The following PAPSS1 variants were observed in gnomAD, a reference collection of about 807,000 sequenced individuals.
PAPSS1 encodes the protein bifunctional 3'-phosphoadenosine 5'-phosphosulfate synthase 1.
Under a neutral mutation model 72.0 loss-of-function variants are expected in PAPSS1, and 50 were observed. The ratio of observed to expected loss-of-function variants is 0.69; its 90% CI spans 0.55 to 0.88. The LOEUF (loss-of-function observed/expected upper bound fraction) is 0.88. Among genes scored for constraint, PAPSS1 ranks in the 40% least tolerant of loss-of-function variants. The probability of loss-of-function intolerance (pLI) is 0.00; values close to 1 mark genes in which losing one functional copy is unlikely to be tolerated. For missense variants in PAPSS1, 657 were observed against 782.2 expected (o/e 0.84, Z 1.91); for synonymous variants, 261 against 263.6 (o/e 0.99, Z 0.09).
At chr4:107,641,765 G>C (rs1377324341) in intron 10 of PAPSS1, among the ~76,000 whole-genome samples, 1 of 152,154 alleles carries the variant, frequency 6.6e-6, no homozygotes, top group Non-Finnish European at 1.5e-5. Flanking sequence ...CATGAAGCCT[G>C]TTAGGCAGTA....
intron 1 of PAPSS1, among the ~76,000 whole-genome samples, chr4:107,701,653 G>C (rs978078366): frequency 8.5e-5 from 13 of 152,108 alleles, no homozygotes; most frequent in Non-Finnish European, 1.6e-4. Context: ...TATCTACTGA[G>C]GCCCTACTAG....
intron 10 of PAPSS1, among the ~76,000 whole-genome samples, chr4:107,639,857 G>A (rs1418894032): frequency 6.6e-6 from 1 of 152,176 alleles, no homozygotes; most frequent in Non-Finnish European, 1.5e-5. Context: ...AAGCACACTG[G>A]CATCCATGTC....
chr4:107,705,432 G>T (rs1723316759), intron 1 of PAPSS1, among the ~76,000 whole-genome samples: 2 of 152,164 alleles, frequency 1.3e-5, no homozygotes, highest in Non-Finnish European at 2.9e-5. Context: ...CTGCCACCAT[G>T]TAAGATGTGC....
intron 9 of PAPSS1, among the ~76,000 whole-genome samples, chr4:107,648,669 G>T (rs912793116): frequency 2.0e-5 from 3 of 152,132 alleles, no homozygotes; most frequent in African/African-American, 4.8e-5. Flanking sequence ...GCCTCTCTAC[G>T]GTAAAGCTCC....
At chr4:107,704,490 C>G (rs1199431317) in intron 1 of PAPSS1, among the ~76,000 whole-genome samples, 9 of 152,334 alleles carry the variant, frequency 5.9e-5, no homozygotes, top group Non-Finnish European at 1.5e-5. Context: ...TGGGCTTGAA[C>G]TATGTAGCCC....
At chr4:107,709,194 T>TA (rs934062016) in intron 1 of PAPSS1, among the ~76,000 whole-genome samples, 9 of 152,016 alleles carry the variant, frequency 5.9e-5, no homozygotes, top group Non-Finnish European at 8.8e-5. Context: ...AAAATAAACT[T>TA]AAAAAAAATT....
chr4:107,626,594 C>A (rs570623906), intron 11 of PAPSS1, among the ~76,000 whole-genome samples: 111 of 152,298 alleles, frequency 7.3e-4, no homozygotes, highest in African/African-American at 2.6e-3. Context: ...TTATCAACAA[C>A]GTTTTGCCTG....
chr4:107,644,789 ACAAG>A lies in PAPSS1; in HGVS notation c.1506+9_1506+12del. The A allele has an allele frequency of 6.3e-7, 1 of 1,595,570 alleles. No homozygotes were observed. Among genetic ancestry groups the A allele is most frequent in the East Asian group, 2.2e-5 (1 of 44,614 alleles). On this transcript the variant is annotated intron_variant, in intron 10 of 11. Coordinates refer to ENST00000265174, the MANE Select transcript of PAPSS1 (RefSeq NM_005443.5). ...TTAACACTGCTGCAGTGAAAATCTT[ACAAG>A]CAGTCTACCTCAGTTGGTCCAGCAT...
At chr4:107,683,984 A>T (rs1722706233) in intron 4 of PAPSS1, among the ~76,000 whole-genome samples, 1 of 152,014 alleles carries the variant, frequency 6.6e-6, no homozygotes, top group Non-Finnish European at 1.5e-5. Context: ...ACAAACACAC[A>T]TTAACCTAAG....
intron 1 of PAPSS1, among the ~76,000 whole-genome samples, chr4:107,711,468 T>C (rs1723494090): frequency 6.6e-6 from 1 of 152,154 alleles, no homozygotes; most frequent in South Asian, 2.1e-4. Flanking sequence ...AATTTCATAT[T>C]TTGTGAATTT....
chr4:107,623,951 T>C (rs1726031325), intron 11 of PAPSS1, among the ~76,000 whole-genome samples: 1 of 152,228 alleles, frequency 6.6e-6, no homozygotes, highest in Non-Finnish European at 1.5e-5. Flanking sequence ...AGAAAGGCAA[T>C]CTGTTAAATC....
chr4:107,687,680 C>G (rs11938435), intron 3 of PAPSS1, among the ~76,000 whole-genome samples: 4,067 of 152,282 alleles, frequency 0.027, 190 homozygotes, highest in African/African-American at 0.094. Context: ...TCCCAACTCT[C>G]TAGTAACCAC....
At chr4:107,665,181 C>T (rs1374404834) in intron 5 of PAPSS1, among the ~76,000 whole-genome samples, 5 of 152,168 alleles carry the variant, frequency 3.3e-5, no homozygotes, top group African/African-American at 1.2e-4. Context: ...TACACAGATT[C>T]TATGTGTAAA....
At chr4:107,631,503 G>T in intron 11 of PAPSS1, 128 bp downstream of exon 11, 8 of 611,506 alleles carry the variant, frequency 1.3e-5, no homozygotes, top group South Asian at 2.5e-5. Context: ...ACTTTTCTGG[G>T]TTTACCTTTC....
intron 1 of PAPSS1, among the ~76,000 whole-genome samples, chr4:107,716,250 T>C (rs1723637088): frequency 6.6e-6 from 1 of 152,166 alleles, no homozygotes; most frequent in Non-Finnish European, 1.5e-5. Flanking sequence ...CAAGTGAACA[T>C]ATGTACCTAT....
intron 1 of PAPSS1, among the ~76,000 whole-genome samples, chr4:107,712,683 G>A (rs943761401): frequency 1.3e-5 from 2 of 151,954 alleles, no homozygotes; most frequent in Non-Finnish European, 2.9e-5. Flanking sequence ...GACTATCCTG[G>A]CCAACATTGT....
chr4:107,712,968 A>G (rs1417701410), intron 1 of PAPSS1, among the ~76,000 whole-genome samples: 3 of 151,780 alleles, frequency 2.0e-5, no homozygotes, highest in Non-Finnish European at 2.9e-5. Flanking sequence ...AAAAATACAA[A>G]ATGGAGTCTT....
chr4:107,695,983 C>T (rs1353590693), intron 2 of PAPSS1, among the ~76,000 whole-genome samples: 1 of 152,182 alleles, frequency 6.6e-6, no homozygotes, highest in Admixed American at 6.5e-5. Context: ...CTCAACATCA[C>T]TGATCATTAG....
chr4:107,636,630 G>T (rs533133556), intron 10 of PAPSS1, among the ~76,000 whole-genome samples: 2 of 152,204 alleles, frequency 1.3e-5, no homozygotes, highest in East Asian at 3.9e-4. Context: ...GGAATCCCTA[G>T]TGTACACCTG....
Sources: gnomAD v4.1 joint callset for allele counts (sites outside exome capture counted in the v4.1 genomes callset) on GRCh38, gnomAD v4.1.1 for gene constraint, MANE v1.5 for transcripts, NCBI Gene and HGNC (gene_info 2026-07-23, HGNC 2026-07-21) for gene names.